SEPTIN2: variants seen among roughly 807,000 people sequenced by gnomAD.
SEPTIN2 encodes the protein septin 2, also known as septin-2.
A neutral mutation model predicts 46.5 loss-of-function variants in SEPTIN2; 34 were observed. The ratio of observed to expected loss-of-function variants is 0.73; its 90% CI spans 0.56 to 0.97. The LOEUF is 0.97. Among genes scored for constraint, SEPTIN2 ranks in the 50% least tolerant of loss-of-function variants. SEPTIN2 has a pLI of 0.00. For missense variants in SEPTIN2, 347 were observed against 448.4 expected, an observed-to-expected ratio of 0.77 and a Z score of 2.04; for synonymous variants, 175 against 153.4, an observed-to-expected ratio of 1.14 and a Z score of -1.04.
At position 241,349,972 on chromosome 2, in the gene SEPTIN2, G is replaced by A. The variant is rs550471756; in HGVS notation, c.985-101G>A. 1.7e-4 allele frequency: 184 copies of A among 1,085,914 alleles called. 1 individual carries two copies. Among genetic ancestry groups the A allele is most frequent in the Middle Eastern group, 1.6e-3 (8 of 5,032 alleles). The allele number at this position is 1,085,914 out of a possible 1,614,324, so 67.3% of individuals were successfully genotyped here. On this transcript the variant is annotated intron_variant, in intron 11 of 12. Transcript: ENST00000391971. The stretch of plus-strand genomic sequence containing the variant: ...TGTAATAACTCCTGTCATATTTTGG[G>A]AAGGTGTAGAAGTTGAAATTTTAGG...
At chr2:241,317,535 ATTT>A (rs750805176) in intron 1 of SEPTIN2, 797 of 935,944 alleles carry the variant, frequency 8.5e-4, no homozygotes, top group Middle Eastern at 1.1e-3. Flanking sequence ...AGTTGTGGGT[ATTT>A]TTTTTTTTTT....
chr2:241,319,122 T>C (rs1213390764), intron 1 of SEPTIN2, among the ~76,000 whole-genome samples: 1 of 152,240 alleles, frequency 6.6e-6, no homozygotes, highest in Non-Finnish European at 1.5e-5. Context: ...AATTGCAATA[T>C]CTGGATCTTA....
intron 1 of SEPTIN2, among the ~76,000 whole-genome samples, chr2:241,319,891 GC>G (rs1175690686): frequency 6.6e-6 from 1 of 152,204 alleles, no homozygotes; most frequent in African/African-American, 2.4e-5. Flanking sequence ...ACCACACTCT[GC>G]CAGCAGTTTT....
At chr2:241,339,197 C>A (rs1035734575) in intron 7 of SEPTIN2, among the ~76,000 whole-genome samples, 3 of 150,136 alleles carry the variant, frequency 2.0e-5, no homozygotes, top group African/African-American at 7.4e-5. Flanking sequence ...AGGTCGAGAC[C>A]AGCCTGGCCA....
chr2:241,324,674 C>T (rs377119534), intron 2 of SEPTIN2: 23 of 228,694 alleles, frequency 1.0e-4, no homozygotes, highest in African/African-American at 4.5e-4. Flanking sequence ...TGTGAGCCAC[C>T]GTGCCTGGCC....
chr2:241,343,957 C>T (rs538775767), intron 9 of SEPTIN2, 60 bp downstream of exon 9: 24 of 1,592,600 alleles, frequency 1.5e-5, no homozygotes, highest in African/African-American at 5.4e-5. Context: ...GGATTTCAGA[C>T]GGGGTGTACA....
rs1337553989 is a variant in SEPTIN2 at position 241,352,647 on chromosome 2, A to G, written c.*710A>G. 6.6e-6 allele frequency: 1 copy of G among 152,230 alleles called. No individual in the cohort carries two copies. The highest frequency in any genetic ancestry group is 2.4e-5 in the African/African-American group (1 of 41,450). The allele number at this position is 152,230 out of a possible 1,614,324, so 9.4% of individuals were successfully genotyped here. ...ATGCTAGGTTGTTTTTAAAACCACT[A>G]TGCAAAGAACTCACCACAAGCCACC... is the stretch of plus-strand genomic sequence containing the variant. On this transcript the variant is annotated 3_prime_UTR_variant, in exon 13 of 13. Coordinates refer to ENST00000391971, the MANE Select transcript of SEPTIN2 (RefSeq NM_004404.5).
intron 7 of SEPTIN2, among the ~76,000 whole-genome samples, chr2:241,339,019 AT>A (rs1262745976): frequency 2.6e-5 from 3 of 117,260 alleles, no homozygotes; most frequent in South Asian, 2.4e-4. Flanking sequence ...ATATTTATAC[AT>A]TATATTTATA....
rs2060917018 is a variant in SEPTIN2 at position 241,353,383 on chromosome 2, CCA to C, written c.*1447_*1448del. ...TCTACTGAAGTTGGGAAATTCAACC[CCA>C]GAAATTGACAGATGAAAGGAGACAA... On this transcript the variant is annotated 3_prime_UTR_variant, in exon 13 of 13. Coordinates refer to ENST00000391971, the MANE Select transcript of SEPTIN2 (RefSeq NM_004404.5). 2 of 152,046 alleles carry C rather than the reference CCA, an allele frequency of 1.3e-5. No homozygotes were observed. The highest frequency in any genetic ancestry group is 4.2e-4 in the South Asian group (2 of 4,818). The allele number at this position is 152,046 out of a possible 1,614,324, so 9.4% of individuals were successfully genotyped here.
chr2:241,333,086 G>A (rs977821254), intron 3 of SEPTIN2, among the ~76,000 whole-genome samples: 1 of 152,186 alleles, frequency 6.6e-6, no homozygotes, highest in Non-Finnish European at 1.5e-5. Flanking sequence ...TTAAATGGGT[G>A]TATTTTAGTA....
rs762385654 is a variant in SEPTIN2, at chr2:241,343,855, A to C, written c.800A>C (p.Asn267Thr). ...LYPWGVVEVE[N>T]PEHNDFLKLR... The stretch of plus-strand genomic sequence containing the variant: ...CCCTGGGGTGTTGTGGAAGTGGAGA[A>C]CCCAGAGCACAATGACTTTCTGAAG... Residue 267 changes from asparagine to threonine, a missense_variant, in exon 9 of 13, where the codon AAC becomes ACC. Asn to Thr is a moderately conservative substitution (Grantham distance 65). Transcript: ENST00000391971. 3.1e-6 allele frequency: 5 copies of C among 1,614,188 alleles called. No individual in the cohort carries two copies. The highest frequency in any genetic ancestry group is 4.2e-6 in the Non-Finnish European group (5 of 1,180,022).
At chr2:241,341,130 G>A (rs955491975) in intron 7 of SEPTIN2, among the ~76,000 whole-genome samples, 1 of 152,130 alleles carries the variant, frequency 6.6e-6, no homozygotes, top group Non-Finnish European at 1.5e-5. Flanking sequence ...CTTCCTTCCT[G>A]ATCCCTGAAG....
intron 4 of SEPTIN2, chr2:241,335,743 A>G (rs1487339965): frequency 5.1e-6 from 3 of 584,702 alleles, no homozygotes; most frequent in Non-Finnish European, 9.0e-6. Flanking sequence ...AGGAACAGAA[A>G]TTATAATTTT....
chr2:241,316,401 C>CACTTAGA, intron 1 of SEPTIN2: 6 of 948,028 alleles, frequency 6.3e-6, no homozygotes, highest in Non-Finnish European at 8.8e-6. Context: ...GTCTTTCTAA[C>CACTTAGA]GGTGCCATTT....
At chr2:241,317,309 T>C (rs1575106659) in intron 1 of SEPTIN2, among the ~76,000 whole-genome samples, 3 of 152,322 alleles carry the variant, frequency 2.0e-5, no homozygotes, top group South Asian at 4.1e-4. Context: ...TGATTTTTTT[T>C]CCTCAACTTC....
In SEPTIN2 at chr2:241,343,090, C is replaced by G; in HGVS notation, c.693C>G (p.Leu231=). 1.3e-6 allele frequency: 2 copies of G among 1,561,574 alleles called. No homozygotes were observed. The highest frequency in any genetic ancestry group is 1.8e-6 in the Non-Finnish European group (2 of 1,133,598). Residue 231 remains leucine (L), a synonymous_variant, in exon 8 of 13, where the codon CTC becomes CTG. Transcript: ENST00000391971. Reference sequence around the variant, plus strand: ...ATTTTAAAGAGCAGACTAGACTTCTCAAGGTAAGAACTGGCTTCAGATCCA... The same window carrying G: ...ATTTTAAAGAGCAGACTAGACTTCTGAAGGTAAGAACTGGCTTCAGATCCA... ...DEDFKEQTRL[L]KASIPFSVVG...
chr2:241,339,890 T>C (rs534484020), intron 7 of SEPTIN2, among the ~76,000 whole-genome samples: 6 of 152,332 alleles, frequency 3.9e-5, no homozygotes, highest in Middle Eastern at 3.4e-3. Context: ...TCCTGACCCC[T>C]GACCCCAGGT....
At chr2:241,315,729 C>T (rs2076068315), upstream of SEPTIN2, 2 of 152,424 alleles carry the variant, frequency 1.3e-5, no homozygotes, top group Non-Finnish European at 2.9e-5. Context: ...AGGAGCACGG[C>T]GCTTGCGCAG....
At chr2:241,349,636 T>C (rs2051963) in intron 11 of SEPTIN2, among the ~76,000 whole-genome samples, 16,722 of 151,858 alleles carry the variant, frequency 0.11, 1,182 homozygotes, top group Non-Finnish European at 0.15. Flanking sequence ...GCCTGACCAA[T>C]GTGGTGAAAC....
Sources: allele counts gnomAD v4.1 joint callset (sites outside exome capture counted in the v4.1 genomes callset), GRCh38; gene constraint gnomAD v4.1.1; transcripts MANE v1.5; gene names NCBI Gene and HGNC (gene_info 2026-07-23, HGNC 2026-07-21).